Variants in PRKAR2A observed in about 807,000 individuals in gnomAD.
The protein encoded by PRKAR2A is protein kinase cAMP-dependent type II regulatory subunit alpha, also known as cAMP-dependent protein kinase type II-alpha regulatory subunit.
PRKAR2A carries 29 observed loss-of-function variants against 51.9 expected under a neutral mutation model. The observed-to-expected ratio is 0.56, with a 90% CI of 0.42 to 0.76. PRKAR2A has a LOEUF of 0.76. Ranked by LOEUF, PRKAR2A falls within the 30% of genes least tolerant of loss-of-function variation. PRKAR2A has a pLI of 0.00. For missense variants in PRKAR2A, 445 were observed against 512.1 expected (o/e 0.87, Z 1.26); for synonymous variants, 178 against 186.2 (o/e 0.96, Z 0.36).
At chr3:48,759,366 T>C (rs962491065) in intron 8 of PRKAR2A, among the ~76,000 whole-genome samples, 19 of 150,794 alleles carry the variant, frequency 1.3e-4, no homozygotes, top group African/African-American at 4.6e-4. Context: ...GAGAGCTCAC[T>C]GGAAGAGCAT....
intron 1 of PRKAR2A, among the ~76,000 whole-genome samples, chr3:48,819,329 G>A (rs1172015131): frequency 1.3e-5 from 2 of 152,074 alleles, no homozygotes; most frequent in African/African-American, 4.8e-5. Context: ...AACATTTTTT[G>A]TTAGTTACAA....
intron 6 of PRKAR2A, among the ~76,000 whole-genome samples, chr3:48,772,017 C>A (rs1342395642): frequency 3.9e-5 from 6 of 152,190 alleles, no homozygotes; most frequent in East Asian, 1.9e-4. Context: ...TTTCCAGCAC[C>A]CCATCTGGGA....
chr3:48,842,912 G>A (rs2083402665), intron 1 of PRKAR2A, among the ~76,000 whole-genome samples: 1 of 152,138 alleles, frequency 6.6e-6, no homozygotes, highest in South Asian at 2.1e-4. Context: ...TTGGTATCAG[G>A]ATGATGCTGG....
intron 5 of PRKAR2A, among the ~76,000 whole-genome samples, chr3:48,773,584 C>T (rs1461780693): frequency 2.0e-5 from 3 of 151,828 alleles, no homozygotes; most frequent in Non-Finnish European, 4.4e-5. Flanking sequence ...GTGATCCGCC[C>T]GCCTCAGCCT....
At chr3:48,772,546 GT>G (rs1378841372) in intron 6 of PRKAR2A, among the ~76,000 whole-genome samples, 1 of 152,060 alleles carries the variant, frequency 6.6e-6, no homozygotes, top group Non-Finnish European at 1.5e-5. Context: ...CTATTCTTGA[GT>G]TTTTCAATCA....
At chr3:48,767,130 T>C (rs1432582674) in intron 6 of PRKAR2A, among the ~76,000 whole-genome samples, 1 of 152,224 alleles carries the variant, frequency 6.6e-6, no homozygotes, top group Non-Finnish European at 1.5e-5. Context: ...CTAAGTTAAC[T>C]ACCTTTCTTC....
intron 1 of PRKAR2A, among the ~76,000 whole-genome samples, chr3:48,822,239 T>C (rs550154709): frequency 2.2e-4 from 33 of 151,356 alleles, no homozygotes; most frequent in African/African-American, 7.5e-4. Flanking sequence ...AAATGGAGTT[T>C]CCCAGCATCC....
At chr3:48,779,162 C>T (rs2082152162) in intron 5 of PRKAR2A, among the ~76,000 whole-genome samples, 1 of 151,976 alleles carries the variant, frequency 6.6e-6, no homozygotes, top group South Asian at 2.1e-4. Flanking sequence ...GTTTCACTAT[C>T]TTCCCCAGGC....
chr3:48,751,092 C>T lies in PRKAR2A; in HGVS notation c.*493G>A. 2.8e-6 allele frequency: 1 copy of T among 352,318 alleles called. No individual in the cohort carries two copies. The highest frequency in any genetic ancestry group is 5.6e-6 in the Non-Finnish European group (1 of 178,870). The allele number at this position is 352,318 out of a possible 1,614,324, so 21.8% of individuals were successfully genotyped here. On this transcript the variant is annotated 3_prime_UTR_variant, in exon 11 of 11. Coordinates refer to ENST00000265563, the MANE Select transcript of PRKAR2A (RefSeq NM_004157.4). ...CCATTTCCCACTGTAAAACCAAAGG[C>T]TGCAACTGTGAACAAATGTGGACTT...
At chr3:48,804,200 C>T (rs1178724766) in intron 2 of PRKAR2A, among the ~76,000 whole-genome samples, 1 of 152,110 alleles carries the variant, frequency 6.6e-6, no homozygotes, top group Non-Finnish European at 1.5e-5. Flanking sequence ...GTGGCTCACA[C>T]CTGTAAAACC....
intron 4 of PRKAR2A, among the ~76,000 whole-genome samples, chr3:48,789,229 G>A (rs758650603): frequency 1.4e-4 from 21 of 152,134 alleles, no homozygotes; most frequent in Non-Finnish European, 2.6e-4. Context: ...GAAAAATACA[G>A]CAGTCCTCCC....
chr3:48,820,646 G>T (rs1159141236), intron 1 of PRKAR2A, among the ~76,000 whole-genome samples: 1 of 152,116 alleles, frequency 6.6e-6, no homozygotes, highest in Non-Finnish European at 1.5e-5. Flanking sequence ...TAACCTCTGT[G>T]CCTCACTTTC....
At chr3:48,828,278 C>G (rs573139730) in intron 1 of PRKAR2A, among the ~76,000 whole-genome samples, 1 of 152,138 alleles carries the variant, frequency 6.6e-6, no homozygotes, top group African/African-American at 2.4e-5. Context: ...TGGCCCACAA[C>G]AGCCTCAAAC....
intron 8 of PRKAR2A, among the ~76,000 whole-genome samples, chr3:48,760,587 C>T (rs1394496197): frequency 6.9e-6 from 1 of 144,410 alleles, no homozygotes; most frequent in Non-Finnish European, 1.5e-5. Flanking sequence ...TTTGGGAGGC[C>T]GAGGCTGAGG....
At chr3:48,835,364 G>A (rs548880463) in intron 1 of PRKAR2A, among the ~76,000 whole-genome samples, 77 of 152,128 alleles carry the variant, frequency 5.1e-4, no homozygotes, top group African/African-American at 1.7e-3. Flanking sequence ...GGGTGTGGCC[G>A]GTTGCTGTGG....
At chr3:48,764,668 C>A (rs1354198077) in intron 8 of PRKAR2A, among the ~76,000 whole-genome samples, 1 of 152,058 alleles carries the variant, frequency 6.6e-6, no homozygotes, top group African/African-American at 2.4e-5. Flanking sequence ...CTCTGTTGCC[C>A]AGGCTGGAGG....
intron 4 of PRKAR2A, among the ~76,000 whole-genome samples, chr3:48,788,380 T>C (rs2082329527): frequency 6.6e-6 from 1 of 152,032 alleles, no homozygotes; most frequent in Non-Finnish European, 1.5e-5. Context: ...GCCAGACTGG[T>C]CTTGAATTTC....
At chr3:48,838,850 G>C (rs1398323077) in intron 1 of PRKAR2A, among the ~76,000 whole-genome samples, 2 of 151,960 alleles carry the variant, frequency 1.3e-5, no homozygotes, top group African/African-American at 4.8e-5. Flanking sequence ...TAGGCATGGT[G>C]GTGGGCGCCT....
intron 1 of PRKAR2A, among the ~76,000 whole-genome samples, chr3:48,829,872 T>TATATATATATATATATATA (rs1491401730): frequency 1.7e-5 from 1 of 59,700 alleles, no homozygotes; most frequent in African/African-American, 7.1e-5. Flanking sequence ...TATATATATA[T>TATATATATATATATATATA]TTTTTTTTTT....
Sources: allele counts gnomAD v4.1 joint callset (sites outside exome capture counted in the v4.1 genomes callset), GRCh38; gene constraint gnomAD v4.1.1; transcripts MANE v1.5; gene names NCBI Gene and HGNC (gene_info 2026-07-23, HGNC 2026-07-21).